MSH3: variants seen among roughly 807,000 people sequenced by gnomAD.
The protein encoded by MSH3 is DNA mismatch repair protein Msh3.
Under a neutral mutation model 123.3 loss-of-function variants are expected in MSH3, and 106 were observed. The ratio of observed to expected loss-of-function variants is 0.86; its 90% CI spans 0.73 to 1.01. MSH3 has a LOEUF of 1.01. MSH3 is among the 50% of genes least tolerant of loss of function. MSH3 has a pLI of 0.00. For synonymous variants in MSH3, 515 were observed against 481.4 expected (o/e 1.07, Z -0.91); for missense variants, 1,459 against 1,347.6 (o/e 1.08, Z -1.29).
intron 3 of MSH3, 60 bp downstream of exon 3, chr5:80,665,423 T>A (rs1749548628): frequency 1.6e-6 from 2 of 1,259,868 alleles, no homozygotes; most frequent in Non-Finnish European, 2.3e-6. Context: ...TGAAGTACTG[T>A]CAGGTTCTCT....
In MSH3 at chr5:80,875,748, C is replaced by T. The variant is rs1267112374; in HGVS notation, c.3303-3C>T. The T allele has an allele frequency of 1.9e-6, 3 of 1,585,472 alleles. No homozygotes were observed. The Admixed American group carries it at 5.0e-5, about 26-fold the overall frequency. On this transcript the variant is annotated splice_polypyrimidine_tract_variant and splice_region_variant and intron_variant, in intron 23 of 23. Coordinates refer to ENST00000265081, the MANE Select transcript of MSH3 (RefSeq NM_002439.5). ...AAATAAGTAGTATTTGATTTTTCCC[C>T]AGAAAGAGACTCAAGTATTTTGCAA...
At chr5:80,784,309 C>T (rs2112015852) in intron 17 of MSH3, among the ~76,000 whole-genome samples, 1 of 150,952 alleles carries the variant, frequency 6.6e-6, no homozygotes, top group East Asian at 1.9e-4. Flanking sequence ...CAGTGGGCAC[C>T]CACTCGGGTT....
chr5:80,683,765 TC>T (rs1750022583), intron 8 of MSH3, among the ~76,000 whole-genome samples: 1 of 152,062 alleles, frequency 6.6e-6, no homozygotes, highest in Non-Finnish European at 1.5e-5. Flanking sequence ...TTTGCCCAGT[TC>T]AGTGTTCTGG....
intron 20 of MSH3, among the ~76,000 whole-genome samples, chr5:80,830,634 C>T (rs528757344): frequency 6.6e-6 from 1 of 152,264 alleles, no homozygotes; most frequent in African/African-American, 2.4e-5. Context: ...TTTTTCTTTG[C>T]AGTTCTTGGG....
intron 19 of MSH3, among the ~76,000 whole-genome samples, chr5:80,807,562 C>T (rs957436946): frequency 2.6e-5 from 4 of 152,206 alleles, no homozygotes; most frequent in South Asian, 2.1e-4. Context: ...AGCTCAAAAA[C>T]GAGTAATACG....
intron 10 of MSH3, among the ~76,000 whole-genome samples, chr5:80,732,000 C>T (rs1580591529): frequency 2.0e-5 from 3 of 152,082 alleles, no homozygotes; most frequent in South Asian, 2.1e-4. Flanking sequence ...GGTCCTTGTG[C>T]CATTAGAATA....
At chr5:80,823,613 C>G (rs1276648868) in intron 20 of MSH3, among the ~76,000 whole-genome samples, 2 of 94,346 alleles carry the variant, frequency 2.1e-5, no homozygotes, top group East Asian at 6.6e-4. Flanking sequence ...ATCTTCAGTG[C>G]ACATTAAATT....
At chr5:80,693,624 T>TACACACACACACACACAC (rs370934498) in intron 8 of MSH3, among the ~76,000 whole-genome samples, 2 of 146,044 alleles carry the variant, frequency 1.4e-5, no homozygotes, top group African/African-American at 5.0e-5. Flanking sequence ...CACACACATA[T>TACACACACACACACACAC]ACACACACAC....
chr5:80,768,994 A>G lies in MSH3; in HGVS notation c.2244A>G (p.Ser748=). The change falls in exon 15 of 24, where the codon TCA becomes TCG. Residue 748 remains serine (S), a synonymous_variant. Transcript: ENST00000265081. ...KNPSAQYVTV[S]GQEFMIEIKN... is the part of the protein sequence containing the mutation. ...CTTCTGCACAATATGTGACAGTATC[A>G]GGACAGGAGGTAATGTCAAGCTTAC... 1 of 1,612,422 alleles carries G rather than the reference A, an allele frequency of 6.2e-7. No individual in the cohort carries two copies. Among genetic ancestry groups the G allele is most frequent in the Non-Finnish European group, 8.5e-7 (1 of 1,178,942 alleles).
At chr5:80,825,722 A>G (rs1322708115) in intron 20 of MSH3, among the ~76,000 whole-genome samples, 1 of 152,230 alleles carries the variant, frequency 6.6e-6, no homozygotes, top group African/African-American at 2.4e-5. Flanking sequence ...AATAGATTAG[A>G]ATAAGAAATG....
intron 2 of MSH3, among the ~76,000 whole-genome samples, chr5:80,659,387 A>G (rs1398634759): frequency 1.3e-5 from 2 of 152,196 alleles, no homozygotes; most frequent in African/African-American, 4.8e-5. Flanking sequence ...TGTGCCCATT[A>G]ACAGCCACCT....
intron 8 of MSH3, among the ~76,000 whole-genome samples, chr5:80,701,625 T>G (rs1197397942): frequency 6.6e-6 from 1 of 152,232 alleles, no homozygotes; most frequent in Non-Finnish European, 1.5e-5. Context: ...CCAGCAAAGC[T>G]TCCTTTCACT....
intron 17 of MSH3, among the ~76,000 whole-genome samples, chr5:80,783,558 C>T (rs991964962): frequency 1.3e-5 from 2 of 152,006 alleles, no homozygotes; most frequent in Admixed American, 6.6e-5. Context: ...TCCCTTCTTG[C>T]TTTTTTGTTG....
intron 20 of MSH3, among the ~76,000 whole-genome samples, chr5:80,838,531 G>A (rs1328530961): frequency 6.6e-6 from 1 of 152,174 alleles, no homozygotes; most frequent in Non-Finnish European, 1.5e-5. Flanking sequence ...CAGCTACCAT[G>A]AGAAGTAATT....
At chr5:80,657,605 A>C (rs748517971) in intron 2 of MSH3, among the ~76,000 whole-genome samples, 6 of 152,098 alleles carry the variant, frequency 3.9e-5, no homozygotes, top group Non-Finnish European at 5.9e-5. Context: ...AAGACAGGAA[A>C]TCCATCTTTA....
intron 12 of MSH3, among the ~76,000 whole-genome samples, chr5:80,745,625 G>A (rs1314710051): frequency 6.6e-6 from 1 of 152,216 alleles, no homozygotes; most frequent in Non-Finnish European, 1.5e-5. Flanking sequence ...TGAATATGGT[G>A]TGATGGTGAA....
intron 9 of MSH3, among the ~76,000 whole-genome samples, chr5:80,728,154 G>A (rs943901889): frequency 6.6e-6 from 1 of 152,162 alleles, no homozygotes; most frequent in African/African-American, 2.4e-5. Context: ...GTTGGGGGAT[G>A]TTGGAGGACT....
Position 80,854,230 on chromosome 5 carries a change from GT to G in MSH3, c.2916del (p.Ile973SerfsTer5). ...IIRKATSQSL[V>X]ILDELGRGTS... Reference sequence around the variant, plus strand: ...CAGAAAAGCAACATCACAGTCCTTGGTTATCTTGGATGAACTAGGAAGAGGG... The same window carrying G: ...CAGAAAAGCAACATCACAGTCCTTGGTATCTTGGATGAACTAGGAAGAGGG... On this transcript the variant is annotated frameshift_variant, in exon 21 of 24. Transcript: ENST00000265081. LOFTEE classifies it high-confidence loss of function. 1 of 1,613,856 alleles carries G rather than the reference GT, an allele frequency of 6.2e-7. No homozygotes were observed. The highest frequency in any genetic ancestry group is 2.2e-5 in the East Asian group (1 of 44,850).
At chr5:80,787,810 A>G in intron 18 of MSH3, 138 bp downstream of exon 18, 2 of 662,440 alleles carry the variant, frequency 3.0e-6, no homozygotes, top group South Asian at 3.4e-5. Flanking sequence ...TGTCATACAT[A>G]TGTAGCTTGA....
Sources: allele counts gnomAD v4.1 joint callset (sites outside exome capture counted in the v4.1 genomes callset), GRCh38; gene constraint gnomAD v4.1.1; transcripts MANE v1.5; gene names NCBI Gene and HGNC (gene_info 2026-07-23, HGNC 2026-07-21).